C8orf76: variants seen among roughly 807,000 people sequenced by gnomAD.
The protein encoded by C8orf76 is chromosome 8 open reading frame 76, also known as uncharacterized protein C8orf76.
In C8orf76, 46 loss-of-function variants were observed where a neutral mutation model predicts 38.1. That is an observed-to-expected ratio of 1.21 (90% CI 0.95 to 1.54). The LOEUF is 1.54. Among genes scored for constraint, C8orf76 ranks in the 40% most tolerant of loss-of-function variants. C8orf76 has a pLI of 0.00. For missense variants in C8orf76, 461 were observed against 441.6 expected, an observed-to-expected ratio of 1.04 and a Z score of -0.39; for synonymous variants, 166 against 167.5, an observed-to-expected ratio of 0.99 and a Z score of 0.07.
At chr8:123,231,275 G>T in intron 4 of C8orf76, 25 bp downstream of exon 4, 1 of 1,579,268 alleles carries the variant, frequency 6.3e-7, no homozygotes, top group Non-Finnish European at 8.6e-7. Flanking sequence ...ATTACCAAGC[G>T]TTGCTTAAGT....
intron 4 of C8orf76, among the ~76,000 whole-genome samples, chr8:123,227,826 C>T (rs922117991): frequency 2.0e-5 from 3 of 152,064 alleles, no homozygotes; most frequent in African/African-American, 7.2e-5. Context: ...GCCATCCGGG[C>T]GTTTCAGAAA....
chr8:123,239,243 A>T, intron 1 of C8orf76, 99 bp from the exon 2 acceptor site: 1 of 1,320,662 alleles, frequency 7.6e-7, no homozygotes, highest in Non-Finnish European at 1.1e-6. Flanking sequence ...AACGTCAAAA[A>T]AAGACTTCTT....
intron 3 of C8orf76, among the ~76,000 whole-genome samples, chr8:123,235,436 A>G (rs1049370947): frequency 1.4e-4 from 22 of 152,358 alleles, no homozygotes; most frequent in African/African-American, 4.6e-4. Flanking sequence ...GCTAGTAACA[A>G]AAGGCGAGGG....
chr8:123,238,049 T>C, intron 2 of C8orf76, 108 bp from the exon 3 acceptor site: 4 of 1,251,262 alleles, frequency 3.2e-6, no homozygotes, highest in Non-Finnish European at 4.3e-6. Context: ...ATGTTATAAC[T>C]GACCAATGAA....
chr8:123,237,144 A>ACCAC, intron 3 of C8orf76: 1 of 814,808 alleles, frequency 1.2e-6, no homozygotes, highest in East Asian at 2.5e-5. Flanking sequence ...GCCCGCCTGC[A>ACCAC]CCACCCCGTG....
chr8:123,241,095 G>T, intron 1 of C8orf76, 135 bp downstream of exon 1: 1 of 862,380 alleles, frequency 1.2e-6, no homozygotes, highest in South Asian at 2.0e-5. Flanking sequence ...AGGAGGGACG[G>T]CGGGGGACGC....
At chr8:123,238,875 A>T in intron 2 of C8orf76, 174 bp downstream of exon 2, 1 of 595,308 alleles carries the variant, frequency 1.7e-6, no homozygotes, top group Non-Finnish European at 2.9e-6. Flanking sequence ...CAAACAAATC[A>T]TACAGAGCCA....
chr8:123,235,536 A>G (rs1825435712), intron 3 of C8orf76, among the ~76,000 whole-genome samples: 1 of 152,216 alleles, frequency 6.6e-6, no homozygotes, highest in South Asian at 2.1e-4. Flanking sequence ...AGGTCCGCTG[A>G]GATCATGTGT....
intron 3 of C8orf76, among the ~76,000 whole-genome samples, chr8:123,232,823 A>T (rs751605597): frequency 6.6e-6 from 1 of 152,216 alleles, no homozygotes; most frequent in Non-Finnish European, 1.5e-5. Context: ...ATTTAGCTCC[A>T]TAAGAGCTTT....
chr8:123,235,490 G>C lies in C8orf76; in HGVS notation c.357+2308C>G, dbSNP rs1179641482. ...ATTTTAAAAAACAAAACAAAACACA[G>C]CTTACCAGGAAATGAGAATGCCGTG... On this transcript the variant is annotated intron_variant, in intron 3 of 5. Transcript: ENST00000276704. Among the ~76,000 whole-genome samples, 4 of 152,148 alleles carry C rather than the reference G, an allele frequency of 2.6e-5. No individual in the cohort carries two copies. The East Asian group carries it at 7.7e-4, about 29-fold the overall frequency.
chr8:123,223,094 C>T (rs1824931779), intron 5 of C8orf76, among the ~76,000 whole-genome samples: 1 of 152,058 alleles, frequency 6.6e-6, no homozygotes, highest in South Asian at 2.1e-4. Context: ...ACACAGGGAA[C>T]TAAGTAAATT....
rs113483501 is a variant in C8orf76, at chr8:123,225,798, G to A, written c.948+702C>T. On this transcript the variant is annotated intron_variant, in intron 5 of 5. Coordinates refer to ENST00000276704, the MANE Select transcript of C8orf76 (RefSeq NM_032847.3). ...AAATTAGCAGGGCGTGGTGGCACAT[G>A]CCTGTGATCCCAGCTACTCGGGAGG... is the stretch of plus-strand genomic sequence containing the variant. Among the ~76,000 whole-genome samples the A allele has an allele frequency of 1.6e-3, 247 of 152,164 alleles. 1 individual carries two copies. Among genetic ancestry groups the A allele is most frequent in the African/African-American group, 5.9e-3 (243 of 41,514 alleles).
chr8:123,221,318 G>A (rs574167708), intron 5 of C8orf76, among the ~76,000 whole-genome samples: 5 of 152,200 alleles, frequency 3.3e-5, no homozygotes, highest in Non-Finnish European at 5.9e-5. Context: ...ATCTGAGCCA[G>A]GTGTGGTGGT....
intron 4 of C8orf76, among the ~76,000 whole-genome samples, chr8:123,231,035 C>A (rs974055844): frequency 6.6e-6 from 1 of 152,152 alleles, no homozygotes; most frequent in South Asian, 2.1e-4. Context: ...TGAGCTCAAA[C>A]GATCCACCTG....
chr8:123,229,478 T>C (rs1825162749), intron 4 of C8orf76, among the ~76,000 whole-genome samples: 1 of 152,244 alleles, frequency 6.6e-6, no homozygotes, highest in African/African-American at 2.4e-5. Context: ...GGCTTCCTTC[T>C]TTTGGCCACG....
chr8:123,220,123 C>T lies in C8orf76; in HGVS notation c.1123G>A (p.Glu375Lys). ...ACCCACTAAGCCAAGATTTGTATCTCTGTATGGAACTGATTTTCAAATGGA... is the reference window on the plus strand; with the variant it reads ...ACCCACTAAGCCAAGATTTGTATCTTTGTATGGAACTGATTTTCAAATGGA... ...FCPFENQFHT[E>K]IQILA The change falls in exon 6 of 6, where the codon GAG becomes AAG. Residue 375 changes from glutamate to lysine, a missense_variant. Glu to Lys is a moderately conservative substitution (Grantham distance 56). Transcript: ENST00000276704. 6.2e-7 allele frequency: 1 copy of T among 1,607,504 alleles called. No homozygotes were observed. The highest frequency in any genetic ancestry group is 8.5e-7 in the Non-Finnish European group (1 of 1,177,862).
intron 2 of C8orf76, 80 bp from the exon 3 acceptor site, chr8:123,238,021 T>C: frequency 6.7e-7 from 1 of 1,494,610 alleles, no homozygotes; most frequent in Non-Finnish European, 8.9e-7. Flanking sequence ...GGTGATTTTT[T>C]TTCCTAGGTG....
chr8:123,227,981 C>T (rs555065615), intron 4 of C8orf76, among the ~76,000 whole-genome samples: 5 of 152,252 alleles, frequency 3.3e-5, no homozygotes, highest in African/African-American at 1.2e-4. Flanking sequence ...ATACTCCAGG[C>T]ACCCGCGACT....
chr8:123,221,491 A>C (rs1240231921), intron 5 of C8orf76, among the ~76,000 whole-genome samples: 1 of 152,182 alleles, frequency 6.6e-6, no homozygotes, highest in Admixed American at 6.5e-5. Flanking sequence ...GATGGAGTAC[A>C]GTGGTGCGAT....
Sources: gnomAD v4.1 joint callset for allele counts (sites outside exome capture counted in the v4.1 genomes callset) on GRCh38, gnomAD v4.1.1 for gene constraint, MANE v1.5 for transcripts, NCBI Gene and HGNC (gene_info 2026-07-23, HGNC 2026-07-21) for gene names.